Variants in ELOA observed in about 807,000 individuals in gnomAD.
ELOA encodes the protein elongin-A.
In ELOA, 15 loss-of-function variants were observed where a neutral mutation model predicts 85.2. The observed-to-expected ratio is 0.18, with a 90% confidence interval of 0.12 to 0.27. The LOEUF (loss-of-function observed/expected upper bound fraction) is 0.27, where lower values mean the gene tolerates loss of function less well. ELOA is among the 10% of genes least tolerant of loss of function. ELOA has a pLI of 1.00. For synonymous variants in ELOA, 348 were observed against 357.2 expected (o/e 0.97, Z 0.29); for missense variants, 769 against 952.7 (o/e 0.81, Z 2.54).
chr1:23,756,660 C>T (rs1312931510), intron 9 of ELOA, among the ~76,000 whole-genome samples: 1 of 152,196 alleles, frequency 6.6e-6, no homozygotes, highest in Non-Finnish European at 1.5e-5. Context: ...TTTCCCTTTT[C>T]CCATCTAAAC....
chr1:23,759,082 C>T (rs766451788), intron 10 of ELOA, among the ~76,000 whole-genome samples: 1 of 152,198 alleles, frequency 6.6e-6, no homozygotes, highest in Non-Finnish European at 1.5e-5. Context: ...GTGGCACACT[C>T]CTGTAGTCTC....
chr1:23,746,209 A>T lies in ELOA; in HGVS notation c.75+2631A>T, dbSNP rs1356954038. Among the ~76,000 whole-genome samples the T allele has an allele frequency of 2.7e-5, 4 of 150,210 alleles. No individual in the cohort carries two copies. In the East Asian group the frequency reaches 7.8e-4, roughly 29 times the overall value. On this transcript the variant is annotated intron_variant, in intron 1 of 10. Coordinates refer to ENST00000613537, the MANE Select transcript of ELOA (RefSeq NM_003198.3). ...GAGGCTGAGGCAGGAGAACACTCGAACCCGGGAGGCAGAGGTTGCAGCGAG... is the reference window on the plus strand; with the variant it reads ...GAGGCTGAGGCAGGAGAACACTCGATCCCGGGAGGCAGAGGTTGCAGCGAG...
chr1:23,751,652 C>T lies in ELOA; in HGVS notation c.1047C>T (p.Asp349=). 6.2e-7 allele frequency: 1 copy of T among 1,614,136 alleles called. No homozygotes were observed. Among genetic ancestry groups the T allele is most frequent in the Non-Finnish European group, 8.5e-7 (1 of 1,180,038 alleles). ...GCAAGCAAGGTCTGGACAGCTTTGA[C>T]ACAGGAAAAGGAGCAGGAGACCTGT... ...DKSKQGLDSF[D]TGKGAGDLLP... is the part of the protein sequence containing the mutation. Residue 349 remains aspartate, a synonymous_variant, in exon 4 of 11, where the codon GAC becomes GAT. Transcript: ENST00000613537.
intron 1 of ELOA, among the ~76,000 whole-genome samples, chr1:23,744,947 GT>G (rs909518802): frequency 5.9e-5 from 9 of 152,034 alleles, no homozygotes; most frequent in Non-Finnish European, 1.2e-4. Flanking sequence ...ATTCTTTGGG[GT>G]TTTTTTTCTT....
At chr1:23,758,259 ATTTTTTTTTTTTTTTT>A (rs1162019928) in intron 10 of ELOA, among the ~76,000 whole-genome samples, 9 of 41,954 alleles carry the variant, frequency 2.1e-4, no homozygotes, top group East Asian at 7.3e-4. Flanking sequence ...TTATTTATTT[ATTTTTTTTTTTTTTTT>A]TTTTTTTTTT....
In ELOA at chr1:23,761,864, C is replaced by T. The variant is rs1211380999; in HGVS notation, c.*2291C>T. 1 of 152,040 alleles carries T rather than the reference C, an allele frequency of 6.6e-6. No individual in the cohort carries two copies. The highest frequency in any genetic ancestry group is 1.9e-4 in the East Asian group (1 of 5,196). 9.4% of individuals were successfully genotyped at this position (152,040 alleles called of 1,614,324 possible). On this transcript the variant is annotated 3_prime_UTR_variant, in exon 11 of 11. Transcript: ENST00000613537. ...TGATCCTTGGTGTACTGAGCAGTTT[C>T]TTTGGGGCTTTTTCTTTCTGGGAAG...
intron 7 of ELOA, 49 bp from the exon 8 acceptor site, chr1:23,755,794 A>AT (rs1557455453): frequency 2.0e-5 from 29 of 1,417,862 alleles, no homozygotes; most frequent in Admixed American, 4.6e-5. Flanking sequence ...AAAAAAAAAA[A>AT]ATATGGAAAA....
chr1:23,753,588 A>G (rs1644782076), intron 5 of ELOA, among the ~76,000 whole-genome samples: 1 of 152,092 alleles, frequency 6.6e-6, no homozygotes, highest in African/African-American at 2.4e-5. Flanking sequence ...GTGGCATCCT[A>G]TGCCACAGTA....
intron 4 of ELOA, 97 bp downstream of exon 4, chr1:23,752,127 T>TG (rs958511621): frequency 8.8e-6 from 11 of 1,247,120 alleles, no homozygotes; most frequent in Non-Finnish European, 1.2e-5. Context: ...AGCTTGCTTT[T>TG]GGGGGGCATG....
intron 10 of ELOA, among the ~76,000 whole-genome samples, chr1:23,759,072 G>C (rs573592713): frequency 6.6e-6 from 1 of 152,314 alleles, no homozygotes; most frequent in Admixed American, 6.5e-5. Flanking sequence ...GCCAGGCATG[G>C]TGGCACACTC....
At position 23,759,608 on chromosome 1, in the gene ELOA, G is replaced by C. The variant is rs781356486; in HGVS notation, c.*35G>C. The C allele has an allele frequency of 6.2e-7, 1 of 1,609,368 alleles. No individual in the cohort carries two copies. The highest frequency in any genetic ancestry group is 8.5e-7 in the Non-Finnish European group (1 of 1,175,678). ...TTGCCTTGGAAATGGAATCTGGGGA[G>C]GCAGGAATACAAGGACAGTGGGGGT... On this transcript the variant is annotated 3_prime_UTR_variant, in exon 11 of 11. Coordinates refer to ENST00000613537, the MANE Select transcript of ELOA (RefSeq NM_003198.3).
At chr1:23,756,063 G>T in intron 8 of ELOA, 40 bp downstream of exon 8, 1 of 1,600,732 alleles carries the variant, frequency 6.2e-7, no homozygotes, top group South Asian at 1.1e-5. Flanking sequence ...CTGGCAGGAT[G>T]AGTGTTCTGG....
intron 1 of ELOA, among the ~76,000 whole-genome samples, chr1:23,743,782 G>T (rs1309963221): frequency 1.3e-5 from 2 of 152,052 alleles, no homozygotes; most frequent in Non-Finnish European, 2.9e-5. Context: ...GGCCCCGGCC[G>T]CTCCCCCTCC....
At chr1:23,752,226 C>T (rs1644774594) in intron 4 of ELOA, among the ~76,000 whole-genome samples, 181 bp from the exon 5 acceptor site, 1 of 152,240 alleles carries the variant, frequency 6.6e-6, no homozygotes, top group African/African-American at 2.4e-5. Context: ...GCATTATTCT[C>T]TTGTGATGGG....
intron 8 of ELOA, 47 bp downstream of exon 8, chr1:23,756,070 C>A: frequency 6.3e-7 from 1 of 1,595,704 alleles, no homozygotes; most frequent in South Asian, 1.1e-5. Context: ...GATGAGTGTT[C>A]TGGTCAATAG....
intron 1 of ELOA, among the ~76,000 whole-genome samples, chr1:23,746,562 G>T (rs893856093): frequency 7.2e-6 from 1 of 139,350 alleles, no homozygotes; most frequent in Admixed American, 7.8e-5. Flanking sequence ...AGCCGAGATG[G>T]CACCATTGCA....
intron 9 of ELOA, among the ~76,000 whole-genome samples, 160 bp downstream of exon 9, chr1:23,756,545 C>T (rs559178231): frequency 1.9e-4 from 29 of 152,320 alleles, no homozygotes; most frequent in African/African-American, 2.9e-4. Context: ...CTCCCTCAGC[C>T]TCCGCTTCTT....
rs556274577 is a variant in ELOA, at chr1:23,757,901, C to G, written c.2257+776C>G. The stretch of plus-strand genomic sequence containing the variant: ...ATTAAAAATAGAAAAATTAGCCCAC[C>G]ATGGTGGCATGTGCCTATAATCTCA... On this transcript the variant is annotated intron_variant, in intron 10 of 10. Coordinates refer to ENST00000613537, the MANE Select transcript of ELOA (RefSeq NM_003198.3). 7.9e-5 allele frequency among the ~76,000 whole-genome samples: 12 copies of G among 151,996 alleles called. No individual in the cohort carries two copies. The South Asian group carries it at 2.3e-3, about 29-fold the overall frequency.
chr1:23,747,742 A>G (rs1644753156), intron 1 of ELOA, among the ~76,000 whole-genome samples: 1 of 152,226 alleles, frequency 6.6e-6, no homozygotes, highest in African/African-American at 2.4e-5. Context: ...TAGATATGCC[A>G]CTTGGCCTCT....
Sources: allele counts gnomAD v4.1 joint callset (sites outside exome capture counted in the v4.1 genomes callset), GRCh38; gene constraint gnomAD v4.1.1; transcripts MANE v1.5; gene names NCBI Gene and HGNC (gene_info 2026-07-23, HGNC 2026-07-21).